The following KSR2 variants were observed in gnomAD, a reference collection of about 807,000 sequenced individuals.
The protein encoded by KSR2 is kinase suppressor of ras 2.
In KSR2, 25 loss-of-function variants were observed where a neutral mutation model predicts 107.8. That is an observed-to-expected ratio of 0.23 (90% CI 0.17 to 0.32). The LOEUF (loss-of-function observed/expected upper bound fraction) is 0.32, where lower values mean the gene tolerates loss of function less well. KSR2 is among the 10% of genes least tolerant of loss of function. The pLI is 1.00. For synonymous variants in KSR2, 480 were observed against 507.0 expected, an observed-to-expected ratio of 0.95 and a Z score of 0.71; for missense variants, 887 against 1,268.9, an observed-to-expected ratio of 0.70 and a Z score of 4.57.
intron 5 of KSR2, among the ~76,000 whole-genome samples, chr12:117,610,174 A>G (rs549720260): frequency 4.6e-5 from 7 of 152,284 alleles, no homozygotes; most frequent in Non-Finnish European, 7.4e-5. Context: ...GGGAGTATAA[A>G]TCAATGAAAT....
intron 1 of KSR2, among the ~76,000 whole-genome samples, chr12:117,925,511 T>C: frequency 6.6e-6 from 1 of 152,228 alleles, no homozygotes; most frequent in East Asian, 1.9e-4. Flanking sequence ...GAGAAGATCA[T>C]TAATGCTGAC....
chr12:117,570,845 G>C (rs948915968), intron 7 of KSR2, among the ~76,000 whole-genome samples: 1 of 152,170 alleles, frequency 6.6e-6, no homozygotes. Context: ...CCTGAACTCA[G>C]CTCTCTCTCT....
Position 117,681,948 on chromosome 12 carries a change from A to G in KSR2, c.987-14290T>C, listed in dbSNP as rs990876686. Among the ~76,000 whole-genome samples the G allele has an allele frequency of 4.6e-5, 7 of 152,374 alleles. No homozygotes were observed. The East Asian group carries it at 7.7e-4, about 17-fold the overall frequency. On this transcript the variant is annotated intron_variant, in intron 4 of 19. Coordinates refer to ENST00000339824, the MANE Select transcript of KSR2 (RefSeq NM_173598.6). ...TACCCAAAGGAATATAAATCATTCT[A>G]TTATAAAGATATATGCACATGTATG...
chr12:117,526,611 C>T (rs1267255982), intron 13 of KSR2, among the ~76,000 whole-genome samples: 1 of 152,180 alleles, frequency 6.6e-6, no homozygotes, highest in Admixed American at 6.5e-5. Context: ...AGTTGCAGAG[C>T]TGAGGGGCCA....
intron 3 of KSR2, among the ~76,000 whole-genome samples, chr12:117,828,520 C>T (rs879901022): frequency 3.9e-5 from 6 of 152,110 alleles, no homozygotes; most frequent in Non-Finnish European, 7.3e-5. Context: ...TTAACATAAT[C>T]CTAAGAAGTG....
chr12:117,724,653 T>A (rs1887346983), intron 4 of KSR2, among the ~76,000 whole-genome samples: 1 of 151,726 alleles, frequency 6.6e-6, no homozygotes, highest in South Asian at 2.1e-4. Context: ...GCAGGGGGTC[T>A]GTGCAATCCC....
intron 16 of KSR2, among the ~76,000 whole-genome samples, chr12:117,483,849 G>C (rs1158958730): frequency 2.6e-5 from 4 of 152,208 alleles, no homozygotes; most frequent in African/African-American, 9.6e-5. Flanking sequence ...CTTGATGCGT[G>C]TTCTCATTTT....
intron 4 of KSR2, among the ~76,000 whole-genome samples, chr12:117,677,007 G>A (rs1030783257): frequency 6.6e-5 from 10 of 152,194 alleles, no homozygotes; most frequent in African/African-American, 1.9e-4. Flanking sequence ...AAGTGGAGAA[G>A]GGTGTCCATC....
At chr12:117,604,776 A>G (rs1344735631) in intron 5 of KSR2, among the ~76,000 whole-genome samples, 3 of 152,134 alleles carry the variant, frequency 2.0e-5, no homozygotes, top group Non-Finnish European at 1.5e-5. Context: ...TTGCCTCACT[A>G]CTGGAGATGC....
intron 17 of KSR2, among the ~76,000 whole-genome samples, chr12:117,471,959 A>AT (rs924495022): frequency 3.3e-5 from 5 of 151,904 alleles, no homozygotes; most frequent in Middle Eastern, 3.4e-3. Context: ...ACAGGTTAGG[A>AT]TTTTTTTTCT....
intron 7 of KSR2, among the ~76,000 whole-genome samples, chr12:117,568,222 G>A (rs1216702312): frequency 4.6e-5 from 7 of 152,244 alleles, no homozygotes; most frequent in African/African-American, 7.2e-5. Context: ...AGAAGAAAGC[G>A]ACTGTAGAGT....
chr12:117,823,397 A>T (rs1303119697), intron 3 of KSR2, among the ~76,000 whole-genome samples: 1 of 152,154 alleles, frequency 6.6e-6, no homozygotes, highest in Non-Finnish European at 1.5e-5. Context: ...CAGATTTGAG[A>T]TACAATTTGA....
Position 117,525,063 on chromosome 12 carries a change from C to T in KSR2, c.2008G>A (p.Glu670Lys). ...CCAAAGCGGCCCTTTCCAATGAGCT[C>T]GCCGATCTCCAGCTGCTCAAAGGGG... is the stretch of plus-strand genomic sequence containing the variant. Reference protein sequence around the residue: ...DIPFEQLEIGELIGKGRFGQV... With the variant: ...DIPFEQLEIGKLIGKGRFGQV... The change falls in exon 14 of 20, where the codon GAG (glutamate) becomes AAG (lysine). Residue 670 changes from glutamate (E) to lysine (K), a missense_variant. Around this residue, in one of 8 missense-constraint regions of KSR2, gnomAD observed 308 missense variants for 506.2 expected, o/e 0.61. Transcript: ENST00000339824. 1 of 1,613,960 alleles carries T rather than the reference C, an allele frequency of 6.2e-7. No homozygotes were observed. Among genetic ancestry groups the T allele is most frequent in the South Asian group, 1.1e-5 (1 of 91,078 alleles).
At chr12:117,615,875 T>C (rs1406003391) in intron 5 of KSR2, among the ~76,000 whole-genome samples, 5 of 152,180 alleles carry the variant, frequency 3.3e-5, no homozygotes, top group African/African-American at 7.2e-5. Context: ...ATGCAGCAGA[T>C]AATACATACA....
intron 9 of KSR2, among the ~76,000 whole-genome samples, chr12:117,548,660 A>T (rs1352733963): frequency 6.6e-6 from 1 of 152,128 alleles, no homozygotes; most frequent in African/African-American, 2.4e-5. Context: ...CACATTTTTC[A>T]AGGGTCAACT....
intron 1 of KSR2, among the ~76,000 whole-genome samples, chr12:117,898,186 C>T (rs1421544222): frequency 6.6e-6 from 1 of 152,138 alleles, no homozygotes; most frequent in Non-Finnish European, 1.5e-5. Flanking sequence ...TCAAACTTCC[C>T]CTTAAAATAA....
chr12:117,767,799 A>G, intron 3 of KSR2, among the ~76,000 whole-genome samples: 1 of 152,006 alleles, frequency 6.6e-6, no homozygotes, highest in East Asian at 1.9e-4. Flanking sequence ...AAAAAAAAAA[A>G]AAAAAAATTC....
chr12:117,694,750 A>G (rs1332704768), intron 4 of KSR2, among the ~76,000 whole-genome samples: 1 of 152,220 alleles, frequency 6.6e-6, no homozygotes, highest in Non-Finnish European at 1.5e-5. Flanking sequence ...TAGACAAAAA[A>G]GGAAATTCTG....
chr12:117,548,623 G>A (rs2137312365), intron 9 of KSR2, among the ~76,000 whole-genome samples: 1 of 152,142 alleles, frequency 6.6e-6, no homozygotes, highest in African/African-American at 2.4e-5. Flanking sequence ...TTTCAACTGT[G>A]GGGGTGGGGT....
Sources: allele counts gnomAD v4.1 joint callset (sites outside exome capture counted in the v4.1 genomes callset), GRCh38; gene constraint gnomAD v4.1.1; regional missense constraint gnomAD v4.1.1; transcripts MANE v1.5; gene names NCBI Gene and HGNC (gene_info 2026-07-23, HGNC 2026-07-21).